The following EPM2A variants were observed in gnomAD, a reference collection of about 807,000 sequenced individuals.
EPM2A encodes laforin.
EPM2A carries 21 observed loss-of-function variants against 26.5 expected under a neutral mutation model. The observed-to-expected ratio is 0.79, with a 90% CI of 0.56 to 1.14. EPM2A has a LOEUF of 1.14. EPM2A is among the 50% of genes most tolerant of loss of function. EPM2A has a pLI of 0.00. For missense variants in EPM2A, 458 were observed against 440.8 expected (o/e 1.04, Z -0.35); for synonymous variants, 217 against 177.6 (o/e 1.22, Z -1.76).
At chr6:145,725,563 T>C (rs1160547108) in intron 1 of EPM2A, among the ~76,000 whole-genome samples, 1 of 152,030 alleles carries the variant, frequency 6.6e-6, no homozygotes, top group Non-Finnish European at 1.5e-5. Flanking sequence ...ATGTGGAACA[T>C]ACATATAATG....
chr6:145,616,707 G>A (rs545045297), intron 2 of EPM2A, among the ~76,000 whole-genome samples: 3 of 152,344 alleles, frequency 2.0e-5, no homozygotes, highest in South Asian at 4.1e-4. Context: ...TTGCATCAGC[G>A]TGACCTGGAC....
chr6:145,659,599 A>T (rs995021480), intron 2 of EPM2A, among the ~76,000 whole-genome samples: 2 of 152,236 alleles, frequency 1.3e-5, no homozygotes, highest in African/African-American at 4.8e-5. Flanking sequence ...GCAAGATTTA[A>T]ACTAGAGATC....
intron 2 of EPM2A, among the ~76,000 whole-genome samples, chr6:145,660,527 T>G (rs1778612609): frequency 6.6e-6 from 1 of 152,142 alleles, no homozygotes; most frequent in African/African-American, 2.4e-5. Context: ...GCTGGCTGAG[T>G]GCGGTAGCTC....
chr6:145,582,186 T>G (rs773371848), intron 2 of EPM2A, among the ~76,000 whole-genome samples: 1 of 152,212 alleles, frequency 6.6e-6, no homozygotes, highest in Non-Finnish European at 1.5e-5. Flanking sequence ...TGCCTTAATT[T>G]CATTGTTTAC....
In EPM2A at chr6:145,611,287, T is replaced by G. The variant is rs1468465899; in HGVS notation, c.340+23958A>C. 4.6e-5 allele frequency among the ~76,000 whole-genome samples: 7 copies of G among 152,226 alleles called. No individual in the cohort carries two copies. The East Asian group carries it at 1.4e-3, about 29-fold the overall frequency. ...GTTTTATATCACTTATTATTTTGCATGAATATTCAGAACTATTTAAATATC... is the reference window on the plus strand; with the variant it reads ...GTTTTATATCACTTATTATTTTGCAGGAATATTCAGAACTATTTAAATATC... On this transcript the variant is annotated intron_variant, in intron 2 of 3. Coordinates refer to the EPM2A transcript ENST00000450221.
chr6:145,522,826 C>T (rs191620074), intron 2 of EPM2A, among the ~76,000 whole-genome samples: 1 of 147,902 alleles, frequency 6.8e-6, no homozygotes, highest in African/African-American at 2.5e-5. Flanking sequence ...CTACAATAAA[C>T]TCCTCAAAGA....
At chr6:145,530,844 C>T (rs184947137) in intron 2 of EPM2A, among the ~76,000 whole-genome samples, 1 of 152,152 alleles carries the variant, frequency 6.6e-6, no homozygotes, top group Non-Finnish European at 1.5e-5. Context: ...GCAAGGAAGG[C>T]TTTACAAACA....
rs549339176 is a variant in EPM2A at position 145,393,076 on chromosome 6, A to T, written c.556-8979T>A. Among the ~76,000 whole-genome samples, 110 of 152,226 alleles carry T rather than the reference A, an allele frequency of 7.2e-4. 1 individual carries two copies. The highest frequency in any genetic ancestry group is 1.4e-3 in the Non-Finnish European group (93 of 68,010). ...AGCTTTCCAACTCATTTTTTCTTTC[A>T]GGTCTCAATGAGACCTTTAGTACTC... is the stretch of plus-strand genomic sequence containing the variant. On this transcript the variant is annotated intron_variant, in intron 4 of 4. Coordinates refer to the EPM2A transcript ENST00000638717.
At chr6:145,588,025 C>A (rs565907932) in intron 2 of EPM2A, among the ~76,000 whole-genome samples, 1 of 152,216 alleles carries the variant, frequency 6.6e-6, no homozygotes, top group East Asian at 1.9e-4. Context: ...CATTCTTTTG[C>A]AAAATTTATA....
chr6:145,732,980 C>T (rs1035381491), intron 1 of EPM2A, among the ~76,000 whole-genome samples: 1 of 152,192 alleles, frequency 6.6e-6, no homozygotes. Context: ...GGCAATCTGG[C>T]TCCAGAATCC....
chr6:145,722,485 CAG>C (rs1775993204), intron 1 of EPM2A, among the ~76,000 whole-genome samples: 1 of 152,140 alleles, frequency 6.6e-6, no homozygotes, highest in Non-Finnish European at 1.5e-5. Context: ...TTCTAGAGCT[CAG>C]AGTTTCTATA....
chr6:145,531,903 T>C (rs542723847), intron 2 of EPM2A, among the ~76,000 whole-genome samples: 3 of 152,338 alleles, frequency 2.0e-5, no homozygotes, highest in African/African-American at 7.2e-5. Flanking sequence ...ATCTTCTAAA[T>C]CTGCCTTTTT....
chr6:145,421,747 A>G (rs1391890794), intron 4 of EPM2A, among the ~76,000 whole-genome samples: 2 of 151,942 alleles, frequency 1.3e-5, no homozygotes, highest in African/African-American at 4.8e-5. Flanking sequence ...AAAATAAAAC[A>G]TATGTGTTAT....
chr6:145,636,484 C>G (rs1273262601), intron 2 of EPM2A: 1 of 149,366 alleles, frequency 6.7e-6, no homozygotes, highest in Non-Finnish European at 1.5e-5. Context: ...GACTCCATCT[C>G]TTAAAAAAAA....
chr6:145,674,753 CA>C lies in EPM2A; in HGVS notation c.476+11368del, dbSNP rs377023506. 4.3e-3 allele frequency among the ~76,000 whole-genome samples: 652 copies of C among 150,734 alleles called. 5 individuals are homozygous for C. The highest frequency in any genetic ancestry group is 0.014 in the African/African-American group (564 of 41,216). On this transcript the variant is annotated intron_variant, in intron 2 of 3. Transcript: ENST00000367519. ...AAGATTAGAGAAAAAAGAGTAAAAA[CA>C]AAAAAAGCCTCCGAGAAATATGGCA...
At chr6:145,677,594 C>T (rs1780157964) in intron 2 of EPM2A, among the ~76,000 whole-genome samples, 1 of 152,150 alleles carries the variant, frequency 6.6e-6, no homozygotes, top group Admixed American at 6.5e-5. Flanking sequence ...TCTCAGAATA[C>T]AAAATCAAAG....
intron 2 of EPM2A, among the ~76,000 whole-genome samples, chr6:145,520,569 T>C (rs1037833852): frequency 6.6e-5 from 10 of 152,214 alleles, no homozygotes; most frequent in Non-Finnish European, 1.3e-4. Flanking sequence ...ACACGTTATT[T>C]TGTACACGTG....
chr6:145,727,427 A>G (rs1294577925), intron 1 of EPM2A, among the ~76,000 whole-genome samples: 1 of 152,126 alleles, frequency 6.6e-6, no homozygotes, highest in Non-Finnish European at 1.5e-5. Context: ...TAACAGAGAA[A>G]TGAATATCTG....
chr6:145,634,844 T>C (rs571975185), intron 3 of EPM2A, among the ~76,000 whole-genome samples: 68 of 152,306 alleles, frequency 4.5e-4, no homozygotes, highest in Non-Finnish European at 7.5e-4. Context: ...CATAATCTCA[T>C]AGCAATATCT....
Sources: gnomAD v4.1 joint callset for allele counts (sites outside exome capture counted in the v4.1 genomes callset) on GRCh38, gnomAD v4.1.1 for gene constraint, MANE v1.5 for transcripts, NCBI Gene and HGNC (gene_info 2026-07-23, HGNC 2026-07-21) for gene names.